The following RAD18 variants were observed in gnomAD, a reference collection of about 807,000 sequenced individuals.
The protein encoded by RAD18 is E3 ubiquitin-protein ligase RAD18.
A neutral mutation model predicts 60.4 loss-of-function variants in RAD18; 47 were observed. The ratio of observed to expected loss-of-function variants is 0.78; its 90% CI spans 0.62 to 0.99. The LOEUF is 0.99. Among genes scored for constraint, RAD18 ranks in the 50% least tolerant of loss-of-function variants. RAD18 has a pLI of 0.00. For synonymous variants in RAD18, 225 were observed against 195.5 expected (o/e 1.15, Z -1.26); for missense variants, 640 against 593.3 (o/e 1.08, Z -0.82).
intron 7 of RAD18, among the ~76,000 whole-genome samples, chr3:8,916,856 G>C (rs1940209825): frequency 6.6e-6 from 1 of 151,928 alleles, no homozygotes; most frequent in South Asian, 2.1e-4. Flanking sequence ...AGAGCTATGG[G>C]ACAATATCAA....
At chr3:8,894,759 C>CTTTTTTTTT (rs71625397) in intron 11 of RAD18, among the ~76,000 whole-genome samples, 11 of 120,778 alleles carry the variant, frequency 9.1e-5, no homozygotes, top group African/African-American at 2.4e-4. Context: ...AGTTTAAGCG[C>CTTTTTTTTT]TTTTTTTTTT....
chr3:8,935,798 G>T (rs574644971), intron 7 of RAD18, 73 bp downstream of exon 7: 3 of 1,288,306 alleles, frequency 2.3e-6, no homozygotes, highest in Admixed American at 2.6e-5. Flanking sequence ...TTTTTCTATG[G>T]TTTATAATTT....
intron 12 of RAD18, among the ~76,000 whole-genome samples, chr3:8,882,364 C>T (rs973907522): frequency 5.9e-5 from 9 of 152,120 alleles, no homozygotes; most frequent in Admixed American, 3.3e-4. Context: ...GAAACTAAAA[C>T]CTCTACCTTA....
At position 8,941,734 on chromosome 3, in the gene RAD18, C is replaced by G. The variant is rs1559793575; in HGVS notation, c.337G>C (p.Ala113Pro). Residue 113 changes from alanine (A) to proline (P), a missense_variant, in exon 5 of 13, where the codon GCT (alanine) becomes CCT (proline). Ala to Pro is a conservative substitution (Grantham distance 27, BLOSUM62 -1). Transcript: ENST00000264926. Reference sequence around the variant, plus strand: ...GCTACAGGAGTATATACTTTGACAGCAAGATTCTTTGAAGAGGAAGAAGCA... The same window carrying G: ...GCTACAGGAGTATATACTTTGACAGGAAGATTCTTTGAAGAGGAAGAAGCA... ...SPASSSSKNL[A>P]VKVYTPVASR... 1 of 1,614,108 alleles carries G rather than the reference C, an allele frequency of 6.2e-7. No homozygotes were observed.
At chr3:8,945,669 A>C (rs1940828232) in intron 4 of RAD18, among the ~76,000 whole-genome samples, 1 of 151,812 alleles carries the variant, frequency 6.6e-6, no homozygotes, top group Non-Finnish European at 1.5e-5. Context: ...ACAGGGTTTC[A>C]CCATGTTGGC....
chr3:8,881,889 C>T (rs536468296), intron 12 of RAD18, among the ~76,000 whole-genome samples: 2 of 152,336 alleles, frequency 1.3e-5, no homozygotes, highest in East Asian at 1.9e-4. Flanking sequence ...AGATGGGCCA[C>T]ACTTCTCTCA....
Position 8,912,366 on chromosome 3 carries a change from C to G in RAD18, c.973G>C (p.Val325Leu). The change falls in exon 9 of 13, where the codon GTT becomes CTT. Residue 325 changes from valine (V) to leucine (L), a missense_variant. By Grantham distance (32) the Val-to-Leu change is conservative. Coordinates refer to ENST00000264926, the MANE Select transcript of RAD18 (RefSeq NM_020165.4). ...EASKLNESVMVFTKDQTEKEI... is the reference protein window; with the variant it reads ...EASKLNESVMLFTKDQTEKEI... ...TTTTCTGTTTGGTCCTTTGTAAAAACCATTACCTAAAATAATCAAAAAAAG... is the reference window on the plus strand; with the variant it reads ...TTTTCTGTTTGGTCCTTTGTAAAAAGCATTACCTAAAATAATCAAAAAAAG... 5 of 1,556,120 alleles carry G rather than the reference C, an allele frequency of 3.2e-6. No homozygotes were observed. The highest frequency in any genetic ancestry group is 4.3e-6 in the Non-Finnish European group (5 of 1,151,362).
chr3:8,903,025 CA>C (rs1311166634), intron 9 of RAD18, among the ~76,000 whole-genome samples: 91 of 124,444 alleles, frequency 7.3e-4, no homozygotes, highest in South Asian at 2.3e-3. Flanking sequence ...GACTCTGTCT[CA>C]AAAAAAAAAA....
intron 2 of RAD18, among the ~76,000 whole-genome samples, chr3:8,953,693 T>C (rs1328362361): frequency 6.6e-6 from 1 of 152,146 alleles, no homozygotes; most frequent in African/African-American, 2.4e-5. Context: ...TAAAGAGTAG[T>C]TTCACAGAAA....
intron 2 of RAD18, among the ~76,000 whole-genome samples, chr3:8,955,697 A>G (rs1254174460): frequency 6.6e-6 from 1 of 152,238 alleles, no homozygotes; most frequent in Non-Finnish European, 1.5e-5. Flanking sequence ...GGACAGACAC[A>G]TGAGAGAGAA....
At position 8,913,809 on chromosome 3, in the gene RAD18, A is replaced by G. The variant is rs1466994552; in HGVS notation, c.890-89T>C. 1.5e-5 allele frequency: 12 copies of G among 803,192 alleles called. No homozygotes were observed. In the South Asian group the frequency reaches 3.0e-4, roughly 20 times the overall value. The allele number at this position is 803,192 out of a possible 1,614,324, so 49.8% of individuals were successfully genotyped here. ...TTATTTAAGTTGTTAACATTAGAAG[A>G]AGATGGGTGATGGGTATATGTGAAC... On this transcript the variant is annotated intron_variant, in intron 7 of 12. Coordinates refer to ENST00000264926, the MANE Select transcript of RAD18 (RefSeq NM_020165.4).
At chr3:8,889,054 CT>C (rs1939634791) in intron 12 of RAD18, among the ~76,000 whole-genome samples, 1 of 152,156 alleles carries the variant, frequency 6.6e-6, no homozygotes, top group Non-Finnish European at 1.5e-5. Context: ...AAATCTCAAA[CT>C]TACATAAAAT....
chr3:8,909,518 T>A (rs1402206816), intron 9 of RAD18, among the ~76,000 whole-genome samples: 3 of 147,786 alleles, frequency 2.0e-5, no homozygotes, highest in Non-Finnish European at 1.5e-5. Flanking sequence ...CATGGGCAGA[T>A]AAAAAAAAAA....
At chr3:8,920,646 C>T (rs1451444320) in intron 7 of RAD18, among the ~76,000 whole-genome samples, 2 of 127,592 alleles carry the variant, frequency 1.6e-5, no homozygotes, top group Admixed American at 8.7e-5. Context: ...ATGTAATATT[C>T]CGAAGACAAA....
At chr3:8,892,696 T>C (rs1460822927) in intron 11 of RAD18, among the ~76,000 whole-genome samples, 1 of 152,344 alleles carries the variant, frequency 6.6e-6, no homozygotes, top group South Asian at 2.1e-4. Context: ...AAACACTATC[T>C]TCGCATATTC....
intron 11 of RAD18, among the ~76,000 whole-genome samples, chr3:8,898,026 C>T (rs1286699406): frequency 6.6e-6 from 1 of 151,820 alleles, no homozygotes; most frequent in Admixed American, 6.6e-5. Flanking sequence ...GAGCCGAAAT[C>T]GCACCACCGC....
chr3:8,936,226 A>G (rs1288174054), intron 6 of RAD18, among the ~76,000 whole-genome samples, 171 bp from the exon 7 acceptor site: 5 of 152,262 alleles, frequency 3.3e-5, no homozygotes, highest in Admixed American at 2.0e-4. Context: ...AGTGTCTGAC[A>G]TGATGTATCT....
At chr3:8,959,121 C>G (rs1941058242) in intron 1 of RAD18, 120 bp from the exon 2 acceptor site, 2 of 749,782 alleles carry the variant, frequency 2.7e-6, no homozygotes, top group South Asian at 3.1e-5. Flanking sequence ...TACACAAATT[C>G]AAAAGCTAAC....
Position 8,936,048 on chromosome 3 carries a change from G to T in RAD18, c.712C>A (p.His238Asn), listed in dbSNP as rs1940647387. The change falls in exon 7 of 13, where the codon CAC becomes AAC. Residue 238 changes from histidine to asparagine, a missense_variant. Coordinates refer to ENST00000264926, the MANE Select transcript of RAD18 (RefSeq NM_020165.4). ...EKKESLRSSV[H>N]KRKPLPKTVY... is the part of the protein sequence containing the mutation. ...GTTTTGGGCAGCGGCTTCCTTTTGT[G>T]AACAGAACTGAAAAGGGGGGAAGAT... 1 of 1,568,218 alleles carries T rather than the reference G, an allele frequency of 6.4e-7. No homozygotes were observed. The highest frequency in any genetic ancestry group is 1.4e-5 in the African/African-American group (1 of 72,472).
Sources: allele counts gnomAD v4.1 joint callset (sites outside exome capture counted in the v4.1 genomes callset), GRCh38; gene constraint gnomAD v4.1.1; transcripts MANE v1.5; gene names NCBI Gene and HGNC (gene_info 2026-07-23, HGNC 2026-07-21).